TTLL10: variants seen among roughly 807,000 people sequenced by gnomAD.
TTLL10 encodes inactive polyglycylase TTLL10.
TTLL10 carries 61 observed loss-of-function variants against 69.0 expected under a neutral mutation model. That is an observed-to-expected ratio of 0.88 (90% CI 0.72 to 1.09). The LOEUF (loss-of-function observed/expected upper bound fraction) is 1.09, where lower values mean the gene tolerates loss of function less well. TTLL10 is among the 50% of genes least tolerant of loss of function. The probability of loss-of-function intolerance (pLI) is 0.00; values close to 1 mark genes in which losing one functional copy is unlikely to be tolerated. For missense variants in TTLL10, 962 were observed against 945.9 expected (o/e 1.02, Z -0.22); for synonymous variants, 408 against 393.3 (o/e 1.04, Z -0.44).
chr1:1,197,551 C>T lies in TTLL10; in HGVS notation c.1726C>T (p.Leu576=). ...HNGEADPRPH[L]GGSCSLRRWP... Reference sequence around the variant, plus strand: ...CGGTGAGGCCGACCCGCGGCCGCACCTGGGGGGCTCGTGCAGCCTCCGCCG... The same window carrying T: ...CGGTGAGGCCGACCCGCGGCCGCACTTGGGGGGCTCGTGCAGCCTCCGCCG... The change falls in exon 16 of 16, where the codon CTG becomes TTG. Residue 576 remains leucine, a synonymous_variant. Transcript: ENST00000379289. 6.6e-7 allele frequency: 1 copy of T among 1,521,656 alleles called. No homozygotes were observed. Among genetic ancestry groups the T allele is most frequent in the Non-Finnish European group, 8.8e-7 (1 of 1,139,106 alleles). The allele number at this position is 1,521,656 out of a possible 1,614,324, so 94.3% of individuals were successfully genotyped here. A position where few individuals can be genotyped will look rare whatever the true frequency, so the allele number is the denominator to read the frequency against.
intron 14 of TTLL10, 84 bp from the exon 15 acceptor site, chr1:1,197,009 C>A: frequency 7.8e-7 from 1 of 1,277,734 alleles, no homozygotes; most frequent in Non-Finnish European, 1.1e-6. Flanking sequence ...CCAGAGCCAT[C>A]TGTCTGAATG....
In TTLL10 at chr1:1,184,175, G is replaced by A. The variant is rs1047402532; in HGVS notation, c.1260+84G>A. 5.7e-6 allele frequency: 9 copies of A among 1,565,942 alleles called. No individual in the cohort carries two copies. In the African/African-American group the frequency reaches 1.2e-4, roughly 21 times the overall value. ...TTCTCACTGCTAGGGGGTGCAGAGG[G>A]GGTGCAGCTACAGAAGGAGGTGGCC... On this transcript the variant is annotated intron_variant, in intron 12 of 15. Transcript: ENST00000379289.
At chr1:1,184,604 G>A (rs1357230923) in intron 12 of TTLL10, among the ~76,000 whole-genome samples, 3 of 152,194 alleles carry the variant, frequency 2.0e-5, no homozygotes, top group Admixed American at 6.5e-5. Context: ...GTCAGGGTGG[G>A]GCCGGGGGAG....
At position 1,179,243 on chromosome 1, in the gene TTLL10, C is replaced by A; in HGVS notation, c.28C>A (p.His10Asn). The A allele has an allele frequency of 6.5e-7, 1 of 1,549,464 alleles. No homozygotes were observed. ...GGACCACAGCTGCACCCGGTTCATCCACCGCCGGGGACCACCCACTCGGAC... is the reference window on the plus strand; with the variant it reads ...GGACCACAGCTGCACCCGGTTCATCAACCGCCGGGGACCACCCACTCGGAC... MDHSCTRFIHRRGPPTRTRA... is the reference protein window; with the variant it reads MDHSCTRFINRRGPPTRTRA... Residue 10 changes from histidine (H) to asparagine (N), a missense_variant, in exon 4 of 16, where the codon CAC becomes AAC. Transcript: ENST00000379289.
chr1:1,196,821 G>A (rs889555669), intron 14 of TTLL10, 105 bp downstream of exon 14: 89 of 886,146 alleles, frequency 1.0e-4, no homozygotes, highest in Non-Finnish European at 1.5e-4. Flanking sequence ...TCTGCAGTCA[G>A]CCCCCACCCT....
rs776432604 is a variant in TTLL10, at chr1:1,197,838, G to C, written c.2013G>C (p.Ala671=). ...AKEEREEPEN[A]RP ...AGGAACGCGAGGAGCCTGAGAACGC[G>C]AGGCCCTAGGGGCAGCCACCCGCGC... Residue 671 remains alanine (A), a synonymous_variant, in exon 16 of 16, where the codon GCG becomes GCC. Coordinates refer to ENST00000379289, the MANE Select transcript of TTLL10 (RefSeq NM_001130045.2). 4 of 1,492,862 alleles carry C rather than the reference G, an allele frequency of 2.7e-6. No individual in the cohort carries two copies. The highest frequency in any genetic ancestry group is 3.6e-6 in the Non-Finnish European group (4 of 1,119,920). 92.5% of individuals were successfully genotyped at this position (1,492,862 alleles called of 1,614,324 possible).
chr1:1,194,347 ATTG>A (rs1648046530), intron 13 of TTLL10, among the ~76,000 whole-genome samples: 1 of 152,186 alleles, frequency 6.6e-6, no homozygotes, highest in Non-Finnish European at 1.5e-5. Flanking sequence ...ATTCATAATT[ATTG>A]TTGTATACAG....
chr1:1,182,961 C>T lies in TTLL10; in HGVS notation c.1002C>T (p.Ala334=). 1.2e-6 allele frequency: 2 copies of T among 1,605,084 alleles called. No homozygotes were observed. The highest frequency in any genetic ancestry group is 1.7e-6 in the Non-Finnish European group (2 of 1,176,384). The change falls in exon 11 of 16, where the codon GCC becomes GCT. Residue 334 remains alanine (A), a synonymous_variant. Transcript: ENST00000379289. ...FLLRNQEEVA[A]LQAKTRSMED... Reference sequence around the variant, plus strand: ...TCCGGAACCAGGAGGAAGTTGCCGCCCTGCAGGCCAAGACCCGGAGCATGG... The same window carrying T: ...TCCGGAACCAGGAGGAAGTTGCCGCTCTGCAGGCCAAGACCCGGAGCATGG...
In TTLL10 at chr1:1,180,309, T is replaced by G. The variant is rs770646715; in HGVS notation, c.475T>G (p.Phe159Val). 1 of 1,584,920 alleles carries G rather than the reference T, an allele frequency of 6.3e-7. No homozygotes were observed. The highest frequency in any genetic ancestry group is 8.6e-7 in the Non-Finnish European group (1 of 1,166,572). The stretch of plus-strand genomic sequence containing the variant: ...CCACAGCACCCGGCCGGGGCCCTTC[T>G]TCTACATTGGAGGCAGCAACGGGGC... ...SPHSTRPGPFFYIGGSNGATI... is the reference protein window; with the variant it reads ...SPHSTRPGPFVYIGGSNGATI... Residue 159 changes from phenylalanine (F) to valine (V), a missense_variant, in exon 6 of 16, where the codon TTC becomes GTC. Phe to Val is a conservative substitution (Grantham distance 50). Coordinates refer to ENST00000379289, the MANE Select transcript of TTLL10 (RefSeq NM_001130045.2).
intron 7 of TTLL10, 24 bp from the exon 8 acceptor site, chr1:1,180,707 C>T (rs776828445): frequency 1.6e-5 from 25 of 1,594,566 alleles, no homozygotes; most frequent in South Asian, 2.3e-5. Context: ...TCCCTCCACA[C>T]GAGCCCTGGC....
chr1:1,191,099 C>T (rs1399842529), intron 13 of TTLL10, among the ~76,000 whole-genome samples: 6 of 152,218 alleles, frequency 3.9e-5, no homozygotes, highest in Admixed American at 3.3e-4. Context: ...GGATTATAGG[C>T]GTGAGCCATG....
intron 3 of TTLL10, chr1:1,176,230 G>C (rs1646868023): frequency 2.2e-6 from 1 of 450,080 alleles, no homozygotes; most frequent in Non-Finnish European, 4.4e-6. Context: ...CGCTGTGCAG[G>C]TGGAGAGAGG....
At chr1:1,189,928 C>A (rs1039710305) in intron 13 of TTLL10, among the ~76,000 whole-genome samples, 2 of 151,958 alleles carry the variant, frequency 1.3e-5, no homozygotes, top group African/African-American at 2.4e-5. Flanking sequence ...CCGGGTAACA[C>A]GGTGAAACCC....
intron 12 of TTLL10, 86 bp downstream of exon 12, chr1:1,184,177 G>A: frequency 1.3e-6 from 2 of 1,562,470 alleles, no homozygotes; most frequent in South Asian, 2.3e-5. Flanking sequence ...TGCAGAGGGG[G>A]TGCAGCTACA....
Position 1,181,488 on chromosome 1 carries a change from C to G in TTLL10, c.756-253C>G, listed in dbSNP as rs2100871843. On this transcript the variant is annotated intron_variant, in intron 8 of 15. Transcript: ENST00000379289. This position sits in a 1 kb window ranked among gnomAD's most constrained non-coding sequence, Gnocchi z 4.6. ...TTGCACCAAGCACCCGCCCAGCCAA[C>G]CGCAGCTGCCTCCATCTGCACCCCC... 6.6e-6 allele frequency among the ~76,000 whole-genome samples: 1 copy of G among 152,256 alleles called. No homozygotes were observed. Among genetic ancestry groups the G allele is most frequent in the African/African-American group, 2.4e-5 (1 of 41,526 alleles).
At position 1,183,908 on chromosome 1, in the gene TTLL10, T is replaced by C; in HGVS notation, c.1089-12T>C. 12 of 1,614,020 alleles carry C rather than the reference T, an allele frequency of 7.4e-6. No homozygotes were observed. The highest frequency in any genetic ancestry group is 1.0e-5 in the Non-Finnish European group (12 of 1,179,958). ...GTGGCTCAGCCCAGCAGCCCCGACATGGTGCCCCCAGGTACATCCAGAACC... is the reference window on the plus strand; with the variant it reads ...GTGGCTCAGCCCAGCAGCCCCGACACGGTGCCCCCAGGTACATCCAGAACC... On this transcript the variant is annotated splice_polypyrimidine_tract_variant and intron_variant, in intron 11 of 15. Coordinates refer to ENST00000379289, the MANE Select transcript of TTLL10 (RefSeq NM_001130045.2).
At position 1,185,751 on chromosome 1, in the gene TTLL10, G is replaced by A; in HGVS notation, c.1401+642G>A. ...GGTCCTTCCTCACCCACAGGCGTGT[G>A]TCACTGTGGCTGGGACGGCAGCGCT... On this transcript the variant is annotated intron_variant, in intron 13 of 15. Coordinates refer to ENST00000379289, the MANE Select transcript of TTLL10 (RefSeq NM_001130045.2). This position sits in a 1 kb window ranked among gnomAD's most constrained non-coding sequence, Gnocchi z 6.1. 1 of 985,542 alleles carries A rather than the reference G, an allele frequency of 1.0e-6. No homozygotes were observed. Among genetic ancestry groups the A allele is most frequent in the African/African-American group, 1.7e-5 (1 of 57,374 alleles). The allele number at this position is 985,542 out of a possible 1,614,324, so 61.0% of individuals were successfully genotyped here. A position where few individuals can be genotyped will look rare whatever the true frequency, so the allele number is the denominator to read the frequency against.
intron 13 of TTLL10, among the ~76,000 whole-genome samples, chr1:1,189,284 T>C (rs2100905354): frequency 6.6e-6 from 1 of 152,356 alleles, no homozygotes; most frequent in South Asian, 2.1e-4. Context: ...TTCCCTTCTG[T>C]TCCTAATTGG....
Position 1,197,876 on chromosome 1 carries a change from G to A in TTLL10, c.*29G>A, listed in dbSNP as rs920627883. The A allele has an allele frequency of 3.5e-5, 49 of 1,397,422 alleles. No individual in the cohort carries two copies. The African/African-American group carries it at 5.5e-4, about 16-fold the overall frequency. 86.6% of individuals were successfully genotyped at this position (1,397,422 alleles called of 1,614,324 possible). ...CAGCCACCCGCGCCCAGCGCCCCGC[G>A]CCCCGCGCCCCAGCCGTGCTGCCTG... is the stretch of plus-strand genomic sequence containing the variant. On this transcript the variant is annotated 3_prime_UTR_variant, in exon 16 of 16. Coordinates refer to ENST00000379289, the MANE Select transcript of TTLL10 (RefSeq NM_001130045.2).
Sources: allele counts gnomAD v4.1 joint callset (sites outside exome capture counted in the v4.1 genomes callset), GRCh38; gene constraint gnomAD v4.1.1; non-coding constraint Gnocchi (gnomAD v3.1); transcripts MANE v1.5; gene names NCBI Gene and HGNC (gene_info 2026-07-23, HGNC 2026-07-21).